The following TXNRD1 variants were observed in gnomAD, a reference collection of about 807,000 sequenced individuals.
TXNRD1 encodes thioredoxin reductase 1.
TXNRD1 carries 57 observed loss-of-function variants against 80.3 expected under a neutral mutation model. The ratio of observed to expected loss-of-function variants is 0.71; its 90% CI spans 0.57 to 0.89. TXNRD1 has a LOEUF of 0.89. Among genes scored for constraint, TXNRD1 ranks in the 40% least tolerant of loss-of-function variants. The pLI, the probability that TXNRD1 is intolerant of heterozygous loss-of-function variation, is 0.00. For missense variants in TXNRD1, 730 were observed against 803.0 expected (o/e 0.91, Z 1.10); for synonymous variants, 291 against 285.2 (o/e 1.02, Z -0.20).
intron 4 of TXNRD1, chr12:104,289,376 T>G (rs2034096303): frequency 9.7e-6 from 2 of 207,148 alleles, no homozygotes; most frequent in Admixed American, 5.3e-5. Flanking sequence ...TAAATGTTAG[T>G]TGTTTAGGGA....
At chr12:104,346,695 CA>C (rs1439343581) in intron 16 of TXNRD1, among the ~76,000 whole-genome samples, 1 of 151,944 alleles carries the variant, frequency 6.6e-6, no homozygotes, top group Non-Finnish European at 1.5e-5. Context: ...ATTGCCTTTC[CA>C]AAAAAGTTGT....
chr12:104,283,889 T>A (rs1025709906), intron 3 of TXNRD1, among the ~76,000 whole-genome samples: 5 of 151,940 alleles, frequency 3.3e-5, no homozygotes, highest in South Asian at 2.1e-4. Flanking sequence ...AATAAATAAA[T>A]AAAAATAAAA....
intron 1 of TXNRD1, among the ~76,000 whole-genome samples, chr12:104,233,451 G>C (rs979471326): frequency 6.6e-6 from 1 of 152,014 alleles, no homozygotes; most frequent in African/African-American, 2.4e-5. Context: ...TACTCACAGA[G>C]AGTTTCCAAA....
At chr12:104,311,763 C>T (rs2035141559) in intron 5 of TXNRD1, among the ~76,000 whole-genome samples, 1 of 152,022 alleles carries the variant, frequency 6.6e-6, no homozygotes, top group Non-Finnish European at 1.5e-5. Flanking sequence ...GGCGGATCAC[C>T]TGAGGTCAGG....
At chr12:104,277,235 CAA>C (rs569575459) in intron 3 of TXNRD1, among the ~76,000 whole-genome samples, 28 of 141,672 alleles carry the variant, frequency 2.0e-4, no homozygotes, top group Non-Finnish European at 2.0e-4. Context: ...ACTAAAAATA[CAA>C]AAAAAAAAAA....
At chr12:104,238,646 G>T (rs2135690985) in intron 1 of TXNRD1, among the ~76,000 whole-genome samples, 1 of 152,170 alleles carries the variant, frequency 6.6e-6, no homozygotes, top group Non-Finnish European at 1.5e-5. Context: ...TAACTGTGTG[G>T]TTTTCATTCT....
In TXNRD1 at chr12:104,339,271, G is replaced by A; in HGVS notation, c.1879G>A (p.Glu627Lys). ...STIGIHPVCAEVFTTLSVTKR... is the reference protein window; with the variant it reads ...STIGIHPVCAKVFTTLSVTKR... Reference sequence around the variant, plus strand: ...AATTGGAATCCACCCTGTCTGTGCAGAGGTGGGTCATCTACACTTATACAG... The same window carrying A: ...AATTGGAATCCACCCTGTCTGTGCAAAGGTGGGTCATCTACACTTATACAG... The change falls in exon 16 of 17, where the codon GAG becomes AAG. Residue 627 changes from glutamate (E) to lysine (K), a missense_variant and splice_region_variant. Coordinates refer to ENST00000525566, the MANE Select transcript of TXNRD1 (RefSeq NM_001093771.3). The A allele has an allele frequency of 1.2e-6, 2 of 1,613,940 alleles. No homozygotes were observed. Among genetic ancestry groups the A allele is most frequent in the African/African-American group, 1.3e-5 (1 of 75,058 alleles).
intron 4 of TXNRD1, among the ~76,000 whole-genome samples, chr12:104,291,325 C>G (rs539332562): frequency 1.1e-4 from 16 of 150,304 alleles, no homozygotes; most frequent in Non-Finnish European, 1.8e-4. Flanking sequence ...CTCAGCCTCC[C>G]GAGTAGCTGG....
At chr12:104,309,841 T>G (rs1271650438) in intron 4 of TXNRD1, 3 of 1,535,176 alleles carry the variant, frequency 2.0e-6, no homozygotes, top group Non-Finnish European at 2.6e-6. Flanking sequence ...GTGCTAGACC[T>G]TTTGTGCAGA....
chr12:104,235,061 C>T (rs373579714), intron 1 of TXNRD1, among the ~76,000 whole-genome samples: 9 of 152,164 alleles, frequency 5.9e-5, no homozygotes, highest in East Asian at 1.9e-4. Flanking sequence ...AGCTCGGAGT[C>T]GCAAAGAAAA....
At chr12:104,252,357 A>G (rs1172509673) in intron 2 of TXNRD1, among the ~76,000 whole-genome samples, 1 of 151,862 alleles carries the variant, frequency 6.6e-6, no homozygotes, top group Non-Finnish European at 1.5e-5. Context: ...TATTATGGGG[A>G]AAATAACTTC....
chr12:104,251,243 T>A (rs1935370153), intron 1 of TXNRD1, among the ~76,000 whole-genome samples: 1 of 152,208 alleles, frequency 6.6e-6, no homozygotes, highest in African/African-American at 2.4e-5. Flanking sequence ...GTTACTTATT[T>A]TCCTGTGTCC....
intron 3 of TXNRD1, among the ~76,000 whole-genome samples, chr12:104,275,332 G>A (rs939077069): frequency 1.3e-5 from 2 of 152,062 alleles, no homozygotes; most frequent in African/African-American, 4.8e-5. Flanking sequence ...GACAAGCTCT[G>A]GGTAATGAGA....
intron 1 of TXNRD1, among the ~76,000 whole-genome samples, chr12:104,216,313 G>C (rs965785054): frequency 6.6e-6 from 1 of 152,212 alleles, no homozygotes; most frequent in East Asian, 1.9e-4. Context: ...GAGTCCGGGG[G>C]TGCCCCTTCA....
rs952237199 is a variant in TXNRD1 at position 104,286,893 on chromosome 12, G to C, written c.305-2038G>C. ...GAGCTCTCAGCTTACGAGGCAATTAGCATAGGTTGCCAGGGCTGCACGAGG... is the reference window on the plus strand; with the variant it reads ...GAGCTCTCAGCTTACGAGGCAATTACCATAGGTTGCCAGGGCTGCACGAGG... On this transcript the variant is annotated intron_variant, in intron 3 of 16. Coordinates refer to ENST00000525566, the MANE Select transcript of TXNRD1 (RefSeq NM_001093771.3). 31 of 1,134,694 alleles carry C rather than the reference G, an allele frequency of 2.7e-5. No individual in the cohort carries two copies. The African/African-American group carries it at 4.2e-4, about 15-fold the overall frequency. 70.3% of individuals were successfully genotyped at this position (1,134,694 alleles called of 1,614,324 possible).
At chr12:104,287,255 T>C in intron 3 of TXNRD1, 2 of 1,613,804 alleles carry the variant, frequency 1.2e-6, no homozygotes, top group Non-Finnish European at 1.7e-6. Flanking sequence ...TTAAGGCGTG[T>C]CTGAGCAGAC....
rs745963532 is a variant in TXNRD1 at position 104,327,608 on chromosome 12, C to T, written c.1479C>T (p.Thr493=). The part of the protein sequence containing the change: ...GDILEDKVEL[T]PVAIQAGRLL... ...TATTGGAGGATAAGGTGGAGCTCAC[C>T]CCAGTTGCAATCCAGGCAGGAAGAT... is the stretch of plus-strand genomic sequence containing the variant. The change falls in exon 13 of 17, where the codon ACC becomes ACT. Residue 493 remains threonine, a synonymous_variant. Coordinates refer to ENST00000525566, the MANE Select transcript of TXNRD1 (RefSeq NM_001093771.3). The T allele has an allele frequency of 1.2e-5, 20 of 1,613,214 alleles. No individual in the cohort carries two copies. The African/African-American group carries it at 2.3e-4, about 18-fold the overall frequency.
At chr12:104,239,204 T>A (rs1239914222) in intron 1 of TXNRD1, among the ~76,000 whole-genome samples, 3 of 151,924 alleles carry the variant, frequency 2.0e-5, no homozygotes, top group Non-Finnish European at 4.4e-5. Context: ...ATTTTTTTTT[T>A]TTTTTTGAGA....
intron 3 of TXNRD1, among the ~76,000 whole-genome samples, chr12:104,259,476 T>C (rs1256004124): frequency 6.6e-6 from 1 of 150,888 alleles, no homozygotes; most frequent in African/African-American, 2.4e-5. Flanking sequence ...ACAATTGGCA[T>C]ATAAGTTTCA....
Sources: gnomAD v4.1 joint callset for allele counts (sites outside exome capture counted in the v4.1 genomes callset) on GRCh38, gnomAD v4.1.1 for gene constraint, MANE v1.5 for transcripts, NCBI Gene and HGNC (gene_info 2026-07-23, HGNC 2026-07-21) for gene names.